MEMO1: variants seen among roughly 807,000 people sequenced by gnomAD.
MEMO1 encodes mediator of cell motility 1, also known as protein MEMO1.
Under a neutral mutation model 45.2 loss-of-function variants are expected in MEMO1, and 6 were observed. The observed-to-expected ratio is 0.13, with a 90% CI of 0.07 to 0.26. The LOEUF is 0.26. Ranked by LOEUF, MEMO1 falls within the 10% of genes least tolerant of loss-of-function variation. MEMO1 has a pLI of 1.00. For synonymous variants in MEMO1, 78 were observed against 124.3 expected, an observed-to-expected ratio of 0.63 and a Z score of 2.48; for missense variants, 184 against 370.5, an observed-to-expected ratio of 0.50 and a Z score of 4.13.
At chr2:31,918,752 A>T (rs77340223) in intron 5 of MEMO1, among the ~76,000 whole-genome samples, 2 of 152,320 alleles carry the variant, frequency 1.3e-5, no homozygotes, top group East Asian at 3.9e-4. Context: ...CATGTAAAAA[A>T]TATGTATAAG....
At position 31,931,762 on chromosome 2, in the gene MEMO1, G is replaced by C. The variant is rs181845859; in HGVS notation, c.212+305C>G. Among the ~76,000 whole-genome samples the C allele has an allele frequency of 4.4e-3, 677 of 152,158 alleles. 5 individuals carry two copies. The highest frequency in any genetic ancestry group is 6.8e-3 in the Middle Eastern group (2 of 294). On this transcript the variant is annotated intron_variant, in intron 4 of 9. Transcript: ENST00000404530. Reference sequence around the variant, plus strand: ...TGATTAAAACAGATCAGAGGGCTTTGCATTTTTCTTAAGAATGCTCATCTC... The same window carrying C: ...TGATTAAAACAGATCAGAGGGCTTTCCATTTTTCTTAAGAATGCTCATCTC...
chr2:31,921,016 T>A, intron 4 of MEMO1, 106 bp from the exon 5 acceptor site: 2 of 729,870 alleles, frequency 2.7e-6, no homozygotes, highest in African/African-American at 1.8e-5. Flanking sequence ...TTTTCCTTCT[T>A]AATTACCAAC....
chr2:31,907,786 AACACACACACACACACACAC>A (rs3065385), intron 6 of MEMO1, among the ~76,000 whole-genome samples: 1 of 145,308 alleles, frequency 6.9e-6, no homozygotes, highest in Non-Finnish European at 1.5e-5. Context: ...CCGTGTCTTA[AACACACACACACACACACAC>A]ACACACACAC....
intron 2 of MEMO1, among the ~76,000 whole-genome samples, chr2:32,009,489 G>A (rs367777290): frequency 6.6e-6 from 1 of 152,124 alleles, no homozygotes; most frequent in Non-Finnish European, 1.5e-5. Context: ...CTGTAGTCTG[G>A]TAACGTAAAA....
intron 6 of MEMO1, among the ~76,000 whole-genome samples, chr2:31,910,151 C>A (rs1449159496): frequency 6.6e-6 from 1 of 151,856 alleles, no homozygotes; most frequent in South Asian, 2.1e-4. Flanking sequence ...AATTCTATAT[C>A]CAGGAAAAAT....
chr2:31,870,790 C>T (rs1479204795), intron 8 of MEMO1, among the ~76,000 whole-genome samples: 2 of 152,134 alleles, frequency 1.3e-5, no homozygotes, highest in African/African-American at 2.4e-5. Context: ...GTTGGCCAGG[C>T]TGGTCTTGAA....
chr2:31,878,632 C>G (rs1674915962), intron 8 of MEMO1, among the ~76,000 whole-genome samples: 5 of 152,058 alleles, frequency 3.3e-5, no homozygotes. Context: ...GCACGTGCTT[C>G]TGGCAGGAGT....
At chr2:32,005,734 G>T (rs1243142843) in intron 2 of MEMO1, among the ~76,000 whole-genome samples, 1 of 152,086 alleles carries the variant, frequency 6.6e-6, no homozygotes, top group Non-Finnish European at 1.5e-5. Context: ...CTTCCCACTT[G>T]CTAATTATAC....
intron 4 of MEMO1, among the ~76,000 whole-genome samples, chr2:31,924,422 G>A (rs1682778750): frequency 1.3e-5 from 2 of 149,300 alleles, no homozygotes; most frequent in Non-Finnish European, 3.0e-5. Flanking sequence ...TTCAATATTA[G>A]CACATCATCG....
Position 31,920,889 on chromosome 2 carries a change from C to T in MEMO1, c.234G>A (p.Gly78=), listed in dbSNP as rs1010710577. The change falls in exon 5 of 10, where the codon GGG becomes GGA. Residue 78 remains glycine, a synonymous_variant. Coordinates refer to ENST00000404530, the MANE Select transcript of MEMO1 (RefSeq NM_001301833.4). ...PSITRRIFIL[G]PSHHVPLSRC... ...GAGAGAGGGGCACATGATGAGAAGG[C>T]CCAAGGATGAAAATTCTCCGGCTAG... The T allele has an allele frequency of 5.6e-6, 9 of 1,611,500 alleles. No individual in the cohort carries two copies. Among genetic ancestry groups the T allele is most frequent in the Non-Finnish European group, 6.8e-6 (8 of 1,178,678 alleles).
intron 8 of MEMO1, among the ~76,000 whole-genome samples, chr2:31,877,148 C>T (rs1488079422): frequency 1.3e-5 from 2 of 152,242 alleles, no homozygotes; most frequent in African/African-American, 4.8e-5. Flanking sequence ...TGTGTGCCCA[C>T]TGACAGGCAC....
intron 8 of MEMO1, among the ~76,000 whole-genome samples, chr2:31,881,896 G>T (rs527245212): frequency 6.6e-6 from 1 of 152,176 alleles, no homozygotes; most frequent in Admixed American, 6.5e-5. Context: ...GTAATCCCAG[G>T]ACTTTTGAGA....
chr2:31,910,099 A>C (rs1227851160), intron 6 of MEMO1, among the ~76,000 whole-genome samples: 1 of 152,140 alleles, frequency 6.6e-6, no homozygotes, highest in Non-Finnish European at 1.5e-5. Context: ...GAAGTGATAA[A>C]ATAAAGTGCT....
At chr2:31,957,760 T>C (rs181787038) in intron 2 of MEMO1, among the ~76,000 whole-genome samples, 1 of 152,380 alleles carries the variant, frequency 6.6e-6, no homozygotes, top group Admixed American at 6.5e-5. Context: ...TTTATTTGTC[T>C]AGCAAGGGCT....
At chr2:31,893,645 AG>A (rs1677278323) in intron 6 of MEMO1, among the ~76,000 whole-genome samples, 1 of 152,224 alleles carries the variant, frequency 6.6e-6, no homozygotes, top group African/African-American at 2.4e-5. Context: ...TTCAGAGCAT[AG>A]GTAAGTTCCC....
At chr2:31,949,127 G>C (rs969747844) in intron 2 of MEMO1, among the ~76,000 whole-genome samples, 3 of 152,038 alleles carry the variant, frequency 2.0e-5, no homozygotes, top group Admixed American at 6.5e-5. Flanking sequence ...CTGGCAAAGA[G>C]ATGGAAAAAA....
At chr2:31,898,238 T>G (rs1040405846) in intron 6 of MEMO1, among the ~76,000 whole-genome samples, 2 of 152,156 alleles carry the variant, frequency 1.3e-5, no homozygotes, top group Non-Finnish European at 2.9e-5. Flanking sequence ...TGATCTTAGT[T>G]ATTTCTTGTC....
intron 2 of MEMO1, among the ~76,000 whole-genome samples, chr2:31,958,997 T>A (rs1412922667): frequency 6.6e-6 from 1 of 152,024 alleles, no homozygotes. Context: ...CCTAAATAAA[T>A]TGAAGGGGGA....
intron 6 of MEMO1, among the ~76,000 whole-genome samples, chr2:31,901,373 A>AC (rs1260818307): frequency 4.6e-5 from 6 of 131,120 alleles, no homozygotes; most frequent in Non-Finnish European, 8.0e-5. Context: ...ACTCTGTCTC[A>AC]CAAAAAAAAA....
Sources: allele counts gnomAD v4.1 joint callset (sites outside exome capture counted in the v4.1 genomes callset), GRCh38; gene constraint gnomAD v4.1.1; transcripts MANE v1.5; gene names NCBI Gene and HGNC (gene_info 2026-07-23, HGNC 2026-07-21).